The following CACNA2D2 variants were observed in gnomAD, a reference collection of about 807,000 sequenced individuals.
The protein encoded by CACNA2D2 is calcium voltage-gated channel auxiliary subunit alpha2delta 2.
In CACNA2D2, 48 loss-of-function variants were observed where a neutral mutation model predicts 166.4. The observed-to-expected ratio is 0.29, with a 90% CI of 0.23 to 0.37. The LOEUF (loss-of-function observed/expected upper bound fraction) is 0.37. Ranked by LOEUF, CACNA2D2 falls within the 10% of genes least tolerant of loss-of-function variation. The pLI is 1.00. For synonymous variants in CACNA2D2, 561 were observed against 573.7 expected (o/e 0.98, Z 0.32); for missense variants, 1,122 against 1,433.0 (o/e 0.78, Z 3.50).
rs1448375277 is a variant in CACNA2D2, at chr3:50,365,031, G to A, written c.3208+44C>T. On this transcript the variant is annotated intron_variant, in intron 36 of 37. Transcript: ENST00000424201. This position sits in a 1 kb window ranked among gnomAD's most constrained non-coding sequence, Gnocchi z 4.5. ...GGCGGCGGCACGGAGGGGGCGCGCG[G>A]GGCAGAGGGGGAGCGGGCGGCGGGG... is the stretch of plus-strand genomic sequence containing the variant. 2 of 1,600,270 alleles carry A rather than the reference G, an allele frequency of 1.2e-6. No individual in the cohort carries two copies. The highest frequency in any genetic ancestry group is 2.2e-5 in the South Asian group (2 of 90,506).
In CACNA2D2 at chr3:50,380,723, C is replaced by A; in HGVS notation, c.842+25G>T. Reference sequence around the variant, plus strand: ...GGTGGGGAACTGAGGGGGTGTCCCTCCCCAGCCCCTTCTTGCTCGCTCACC... The same window carrying A: ...GGTGGGGAACTGAGGGGGTGTCCCTACCCAGCCCCTTCTTGCTCGCTCACC... On this transcript the variant is annotated intron_variant, in intron 8 of 37. Coordinates refer to ENST00000424201, the MANE Select transcript of CACNA2D2 (RefSeq NM_006030.4). This position sits in a 1 kb window ranked among gnomAD's most constrained non-coding sequence, Gnocchi z 4.9. The A allele has an allele frequency of 6.7e-7, 1 of 1,497,348 alleles. No homozygotes were observed. 92.8% of individuals were successfully genotyped at this position (1,497,348 alleles called of 1,614,324 possible).
In CACNA2D2 at chr3:50,376,888, T is replaced by C. The variant is rs1314204954; in HGVS notation, c.1626+579A>G. Among the ~76,000 whole-genome samples, 5 of 152,274 alleles carry C rather than the reference T, an allele frequency of 3.3e-5. No individual in the cohort carries two copies. Among genetic ancestry groups the C allele is most frequent in the African/African-American group, 1.2e-4 (5 of 41,556 alleles). ...CAATGCCATCTTGCCCCTACCCTGG[T>C]TTATGATTGTTTTTCACCTTTGGGC... On this transcript the variant is annotated intron_variant, in intron 17 of 37. Transcript: ENST00000424201. The surrounding 1 kb of genome is among the most constrained non-coding windows in gnomAD (Gnocchi z 4.3).
intron 2 of CACNA2D2, among the ~76,000 whole-genome samples, chr3:50,443,048 CCT>C (rs1708676701): frequency 2.0e-5 from 3 of 152,150 alleles, no homozygotes; most frequent in South Asian, 2.1e-4. Context: ...ACCAGGGGCC[CCT>C]GTTTGCTCCC....
At chr3:50,502,549 G>C (rs569519298) in intron 1 of CACNA2D2, among the ~76,000 whole-genome samples, 2 of 152,226 alleles carry the variant, frequency 1.3e-5, no homozygotes, top group Admixed American at 6.5e-5. Context: ...AGCAGCAGCA[G>C]GCGCAGGCAG....
At chr3:50,466,202 C>T (rs1709820152) in intron 2 of CACNA2D2, among the ~76,000 whole-genome samples, 1 of 152,178 alleles carries the variant, frequency 6.6e-6, no homozygotes, top group African/African-American at 2.4e-5. Flanking sequence ...CCATGCAGGG[C>T]TGCTGAGCAG....
At chr3:50,415,342 G>A (rs920258714) in intron 3 of CACNA2D2, among the ~76,000 whole-genome samples, 1 of 152,236 alleles carries the variant, frequency 6.6e-6, no homozygotes, top group Non-Finnish European at 1.5e-5. Flanking sequence ...GACTATGGAT[G>A]AGCTTTGTCA....
Position 50,476,219 on chromosome 3 carries a change from A to C in CACNA2D2, c.207-20T>G. 6.4e-7 allele frequency: 1 copy of C among 1,567,590 alleles called. No homozygotes were observed. The highest frequency in any genetic ancestry group is 8.6e-7 in the Non-Finnish European group (1 of 1,157,226). On this transcript the variant is annotated intron_variant, in intron 1 of 37. Transcript: ENST00000424201. The stretch of plus-strand genomic sequence containing the variant: ...TGCATCCTGTATGCAGAGAGAGGAG[A>C]GAGGTGTCAGGAGGGCCTGCCCAGA...
At chr3:50,407,539 A>C (rs1706782551) in intron 3 of CACNA2D2, among the ~76,000 whole-genome samples, 1 of 152,154 alleles carries the variant, frequency 6.6e-6, no homozygotes, top group Non-Finnish European at 1.5e-5. Flanking sequence ...TTCTAGTAGG[A>C]CCTGGGACTG....
rs1395041980 is a variant in CACNA2D2, at chr3:50,362,674, C to T, written c.*1992G>A. On this transcript the variant is annotated 3_prime_UTR_variant, in exon 38 of 38. Coordinates refer to ENST00000424201, the MANE Select transcript of CACNA2D2 (RefSeq NM_006030.4). The stretch of plus-strand genomic sequence containing the variant: ...AGCAAGTGCCATGCCCTGTGGTTGA[C>T]AGGGACCTGGGCTACCATGGTCTTC... 6.5e-6 allele frequency: 1 copy of T among 154,480 alleles called. No homozygotes were observed. The highest frequency in any genetic ancestry group is 6.5e-5 in the Admixed American group (1 of 15,340). 9.6% of individuals were successfully genotyped at this position (154,480 alleles called of 1,614,324 possible). A position where few individuals can be genotyped will look rare whatever the true frequency, so the allele number is the denominator to read the frequency against.
At chr3:50,481,888 C>T (rs1051222278) in intron 1 of CACNA2D2, among the ~76,000 whole-genome samples, 1 of 152,176 alleles carries the variant, frequency 6.6e-6, no homozygotes, top group East Asian at 1.9e-4. Flanking sequence ...CCCAGCTACC[C>T]GGGAGGCTGA....
At chr3:50,489,449 T>C (rs9867588) in intron 1 of CACNA2D2, among the ~76,000 whole-genome samples, 43,905 of 152,172 alleles carry the variant, frequency 0.29, 8,879 homozygotes, top group East Asian at 0.62. Context: ...TCCCCAGCTG[T>C]TCTGTGCCAG....
chr3:50,365,863 C>T lies in CACNA2D2; in HGVS notation c.2863-1G>A. 1 of 1,613,156 alleles carries T rather than the reference C, an allele frequency of 6.2e-7. No individual in the cohort carries two copies. Among genetic ancestry groups the T allele is most frequent in the Non-Finnish European group, 8.5e-7 (1 of 1,179,996 alleles). ...GGTTAAGGAAATCTGCAACGGTGGG[C>T]TGCAGTGGAGAGAGGGGCGTGGACT... On this transcript the variant is annotated splice_acceptor_variant, in intron 32 of 37. Coordinates refer to ENST00000424201, the MANE Select transcript of CACNA2D2 (RefSeq NM_006030.4). LOFTEE classifies it high-confidence loss of function. This position sits in a 1 kb window ranked among gnomAD's most constrained non-coding sequence, Gnocchi z 4.5.
At chr3:50,378,207 G>A (rs1383480771) in intron 14 of CACNA2D2, 77 bp downstream of exon 14, 9 of 1,555,764 alleles carry the variant, frequency 5.8e-6, no homozygotes, top group Non-Finnish European at 7.0e-6. Flanking sequence ...GGCGCCCTTG[G>A]CCCACAGCAG....
chr3:50,474,370 G>A (rs1231290726), intron 2 of CACNA2D2, among the ~76,000 whole-genome samples: 1 of 152,100 alleles, frequency 6.6e-6, no homozygotes, highest in Non-Finnish European at 1.5e-5. Context: ...TTCATCCTCC[G>A]GTCAGACTTC....
intron 1 of CACNA2D2, among the ~76,000 whole-genome samples, chr3:50,494,570 A>C: frequency 6.6e-6 from 1 of 152,032 alleles, no homozygotes; most frequent in Non-Finnish European, 1.5e-5. Context: ...CCCCACAGAA[A>C]CCCAAGGAGT....
intron 2 of CACNA2D2, among the ~76,000 whole-genome samples, chr3:50,454,118 C>A (rs1709234655): frequency 6.6e-6 from 1 of 152,208 alleles, no homozygotes; most frequent in Non-Finnish European, 1.5e-5. Flanking sequence ...ATCAAGCACA[C>A]AAGAGGCCTG....
intron 22 of CACNA2D2, among the ~76,000 whole-genome samples, chr3:50,370,810 G>GAGCTTC (rs1322266665): frequency 2.0e-5 from 3 of 152,170 alleles, no homozygotes; most frequent in Non-Finnish European, 4.4e-5. Flanking sequence ...ACCGCATGCT[G>GAGCTTC]AGCTTCCTTT....
chr3:50,428,081 T>C lies in CACNA2D2; in HGVS notation c.405+6232A>G, dbSNP rs952167171. ...CTGCTGTGGCTCTCATGGCTGCATC[T>C]CTGTCCCGTTAGGCCAGTGGTTCTC... On this transcript the variant is annotated intron_variant, in intron 3 of 37. Transcript: ENST00000424201. Among the ~76,000 whole-genome samples the C allele has an allele frequency of 5.9e-5, 9 of 152,292 alleles. No individual in the cohort carries two copies. In the South Asian group the frequency reaches 6.2e-4, roughly 11 times the overall value.
At chr3:50,394,844 G>A (rs1288661437) in intron 3 of CACNA2D2, among the ~76,000 whole-genome samples, 3 of 152,254 alleles carry the variant, frequency 2.0e-5, no homozygotes, top group Non-Finnish European at 4.4e-5. Context: ...GTGGAGGTGT[G>A]GCAGGCCTGG....
Sources: allele counts gnomAD v4.1 joint callset (sites outside exome capture counted in the v4.1 genomes callset), GRCh38; gene constraint gnomAD v4.1.1; non-coding constraint Gnocchi (gnomAD v3.1); transcripts MANE v1.5; gene names NCBI Gene and HGNC (gene_info 2026-07-23, HGNC 2026-07-21).